Variants in MEI4 observed in about 807,000 individuals in gnomAD.
MEI4 encodes meiosis-specific protein MEI4.
In MEI4, 27 loss-of-function variants were observed where a neutral mutation model predicts 31.4. The observed-to-expected ratio is 0.86, with a 90% CI of 0.63 to 1.19. The LOEUF (loss-of-function observed/expected upper bound fraction) is 1.19, where lower values mean the gene tolerates loss of function less well. Among genes scored for constraint, MEI4 ranks in the 50% most tolerant of loss-of-function variants. The pLI is 0.00. For missense variants in MEI4, 329 were observed against 398.9 expected, an observed-to-expected ratio of 0.82 and a Z score of 1.49; for synonymous variants, 122 against 145.4, an observed-to-expected ratio of 0.84 and a Z score of 1.16.
intron 2 of MEI4, among the ~76,000 whole-genome samples, chr6:77,740,653 A>G (rs1040008701): frequency 2.0e-5 from 3 of 152,234 alleles, no homozygotes; most frequent in Admixed American, 2.0e-4. Context: ...GTGAGTGATT[A>G]TTATTAATGC....
rs150976582 is a variant in MEI4, at chr6:77,667,603, C to T, written c.-15+14511C>T. On this transcript the variant is annotated intron_variant, in intron 1 of 4. Coordinates refer to ENST00000684080, the MANE Select transcript of MEI4 (RefSeq NM_001322247.2). ...AGTACTTGGCTCTGATGGGCTCACT[C>T]GCTCTCAGGGGAGAAAGACCCCCAA... is the stretch of plus-strand genomic sequence containing the variant. Among the ~76,000 whole-genome samples, 17 of 152,256 alleles carry T rather than the reference C, an allele frequency of 1.1e-4. No homozygotes were observed. In the East Asian group the frequency reaches 1.7e-3, roughly 16 times the overall value.
At chr6:77,770,913 G>A (rs963989411) in intron 3 of MEI4, among the ~76,000 whole-genome samples, 1 of 152,004 alleles carries the variant, frequency 6.6e-6, no homozygotes, top group Admixed American at 6.6e-5. Flanking sequence ...AAAAACAATT[G>A]CAGCAAAAGA....
chr6:77,783,106 GT>G (rs982145902), intron 3 of MEI4, among the ~76,000 whole-genome samples: 1 of 152,108 alleles, frequency 6.6e-6, no homozygotes, highest in African/African-American at 2.4e-5. Context: ...GAAGAATTGA[GT>G]TTTTCCTACG....
intron 4 of MEI4, among the ~76,000 whole-genome samples, chr6:77,861,863 A>C (rs1005200340): frequency 6.6e-6 from 1 of 152,160 alleles, no homozygotes; most frequent in South Asian, 2.1e-4. Flanking sequence ...TATTGTTGTT[A>C]TTCTTACTGG....
At chr6:77,800,409 G>A (rs1420864510) in intron 3 of MEI4, among the ~76,000 whole-genome samples, 1 of 152,130 alleles carries the variant, frequency 6.6e-6, no homozygotes, top group South Asian at 2.1e-4. Context: ...AGACAATGGG[G>A]TTTTCTAGAT....
Position 77,885,026 on chromosome 6 carries a change from C to T in MEI4, c.901-38063C>T, listed in dbSNP as rs73464907. The stretch of plus-strand genomic sequence containing the variant: ...CATATGTTTGTATCCTCTTCAATTG[C>T]TTTCATCAGAAGTTTGTAATTTTCC... On this transcript the variant is annotated intron_variant, in intron 4 of 4. Transcript: ENST00000684080. 5.8e-3 allele frequency among the ~76,000 whole-genome samples: 881 copies of T among 152,136 alleles called. 12 individuals are homozygous for T. Among genetic ancestry groups the T allele is most frequent in the African/African-American group, 0.02 (840 of 41,452 alleles).
At chr6:77,745,126 C>G (rs530437933) in intron 2 of MEI4, among the ~76,000 whole-genome samples, 2 of 152,270 alleles carry the variant, frequency 1.3e-5, no homozygotes, top group East Asian at 1.9e-4. Context: ...ACAATATTAA[C>G]TTTAAATGTA....
intron 4 of MEI4, among the ~76,000 whole-genome samples, chr6:77,869,358 A>G (rs570185585): frequency 1.3e-5 from 2 of 152,276 alleles, no homozygotes; most frequent in East Asian, 3.9e-4. Flanking sequence ...GAATGTGATC[A>G]TATTTAGAAA....
intron 2 of MEI4, among the ~76,000 whole-genome samples, chr6:77,756,767 C>T (rs1469667153): frequency 1.3e-5 from 2 of 151,590 alleles, no homozygotes; most frequent in Non-Finnish European, 2.9e-5. Context: ...GTATAATTTT[C>T]CAAGGAGTTG....
intron 4 of MEI4, among the ~76,000 whole-genome samples, chr6:77,909,939 T>C (rs368074442): frequency 6.6e-6 from 1 of 151,986 alleles, no homozygotes; most frequent in Admixed American, 6.6e-5. Context: ...AGCATATAAA[T>C]AGAACCAAAG....
chr6:77,732,797 G>A lies in MEI4; in HGVS notation c.233-28333G>A, dbSNP rs367576917. Among the ~76,000 whole-genome samples, 276 of 152,086 alleles carry A rather than the reference G, an allele frequency of 1.8e-3. 3 individuals are homozygous for A. The highest frequency in any genetic ancestry group is 6.5e-3 in the African/African-American group (268 of 41,418). ...GATAGCTCTTATTATTTTGAAATAC[G>A]TCCCATCAATACCTAATTTATTCAG... On this transcript the variant is annotated intron_variant, in intron 2 of 4. Transcript: ENST00000684080.
rs555446964 is a variant in MEI4 at position 77,679,790 on chromosome 6, G to T, written c.-14-10868G>T. On this transcript the variant is annotated intron_variant, in intron 1 of 4. Transcript: ENST00000684080. ...CAGTCTCGCTCCGTCTCCCAGGCTG[G>T]AGTGCAGTGGTGTGATCTCGGCTCA... Among the ~76,000 whole-genome samples the T allele has an allele frequency of 1.5e-4, 23 of 151,828 alleles. 1 individual carries two copies. The South Asian group carries it at 4.8e-3, about 32-fold the overall frequency.
At chr6:77,779,636 G>T (rs904648089) in intron 3 of MEI4, among the ~76,000 whole-genome samples, 1 of 152,102 alleles carries the variant, frequency 6.6e-6, no homozygotes, top group Non-Finnish European at 1.5e-5. Flanking sequence ...CTGTGAATGT[G>T]TTATGCCATT....
chr6:77,736,502 G>A (rs1280301857), intron 2 of MEI4, among the ~76,000 whole-genome samples: 1 of 152,024 alleles, frequency 6.6e-6, no homozygotes, highest in African/African-American at 2.4e-5. Context: ...CTTGCGAACG[G>A]TGCGCGCACA....
At chr6:77,895,421 G>A (rs1407972874) in intron 4 of MEI4, among the ~76,000 whole-genome samples, 1 of 152,094 alleles carries the variant, frequency 6.6e-6, no homozygotes, top group Admixed American at 6.6e-5. Context: ...CTCCTTGGTA[G>A]CAGCCAAACA....
At chr6:77,822,696 T>G (rs1769856116) in intron 3 of MEI4, among the ~76,000 whole-genome samples, 1 of 144,192 alleles carries the variant, frequency 6.9e-6, no homozygotes. Context: ...CTCGGCTCAC[T>G]GCAACCTCTG....
At chr6:77,814,722 CT>C (rs1158792857) in intron 3 of MEI4, among the ~76,000 whole-genome samples, 36 of 152,150 alleles carry the variant, frequency 2.4e-4, no homozygotes, top group Non-Finnish European at 3.2e-4. Flanking sequence ...AATGTTCCCC[CT>C]ACCTGCTCCT....
chr6:77,902,854 G>T (rs1481024985), intron 4 of MEI4, among the ~76,000 whole-genome samples: 1 of 152,044 alleles, frequency 6.6e-6, no homozygotes, highest in Non-Finnish European at 1.5e-5. Context: ...GATGTCTCAT[G>T]TCTCCCTAGA....
chr6:77,747,437 A>G lies in MEI4; in HGVS notation c.233-13693A>G, dbSNP rs149708484. ...CCCTCAGGAAACGCACAGTCATGGTAGAAGGGGACACAGTCATGTGTTACA... is the reference window on the plus strand; with the variant it reads ...CCCTCAGGAAACGCACAGTCATGGTGGAAGGGGACACAGTCATGTGTTACA... On this transcript the variant is annotated intron_variant, in intron 2 of 4. Coordinates refer to ENST00000684080, the MANE Select transcript of MEI4 (RefSeq NM_001322247.2). 1.4e-3 allele frequency among the ~76,000 whole-genome samples: 213 copies of G among 152,320 alleles called. 1 individual carries two copies. The highest frequency in any genetic ancestry group is 4.5e-3 in the African/African-American group (187 of 41,574).
Sources: gnomAD v4.1 joint callset for allele counts (sites outside exome capture counted in the v4.1 genomes callset) on GRCh38, gnomAD v4.1.1 for gene constraint, MANE v1.5 for transcripts, NCBI Gene and HGNC (gene_info 2026-07-23, HGNC 2026-07-21) for gene names.